RUNX1: variants seen among roughly 807,000 people sequenced by gnomAD.
The protein encoded by RUNX1 is RUNX family transcription factor 1, also known as runt-related transcription factor 1.
Under a neutral mutation model 42.8 loss-of-function variants are expected in RUNX1, and 19 were observed. The observed-to-expected ratio is 0.44, with a 90% confidence interval of 0.31 to 0.65. The LOEUF (loss-of-function observed/expected upper bound fraction) is 0.65. Among genes scored for constraint, RUNX1 ranks in the 30% least tolerant of loss-of-function variants. The probability of loss-of-function intolerance (pLI) is 0.07; values close to 1 mark genes in which losing one functional copy is unlikely to be tolerated. For synonymous variants in RUNX1, 271 were observed against 289.4 expected (o/e 0.94, Z 0.64); for missense variants, 528 against 672.0 (o/e 0.79, Z 2.37).
intron 2 of RUNX1, among the ~76,000 whole-genome samples, chr21:35,016,881 T>TTGAG (rs2059162628): frequency 6.7e-6 from 1 of 149,236 alleles, no homozygotes; most frequent in Non-Finnish European, 1.5e-5. Context: ...TGTGTGCACA[T>TTGAG]TGTGTGTGTG....
rs565246803 is a variant in RUNX1, at chr21:34,989,268, C to A, written c.58+59574G>T. 5.3e-4 allele frequency among the ~76,000 whole-genome samples: 80 copies of A among 152,156 alleles called. 2 individuals carry two copies. The highest frequency in any genetic ancestry group is 4.6e-3 in the Admixed American group (70 of 15,290). ...AGGTGATCTGACTGTCTCTGCCTCC[C>A]AAAGTGCTGGGATTACAAGTGTGAG... On this transcript the variant is annotated intron_variant, in intron 2 of 8. Transcript: ENST00000675419.
intron 2 of RUNX1, among the ~76,000 whole-genome samples, chr21:35,035,620 T>C (rs895686273): frequency 3.3e-5 from 5 of 152,244 alleles, no homozygotes; most frequent in Non-Finnish European, 5.9e-5. Context: ...GTGAATGTTA[T>C]TTGTTCTCAT....
intron 5 of RUNX1, among the ~76,000 whole-genome samples, chr21:34,870,803 C>A (rs2057725721): frequency 6.6e-6 from 1 of 152,024 alleles, no homozygotes; most frequent in Non-Finnish European, 1.5e-5. Context: ...ATGAAAAATA[C>A]AAAAATTATC....
At chr21:34,864,692 T>C (rs2057630986) in intron 5 of RUNX1, among the ~76,000 whole-genome samples, 5 of 152,152 alleles carry the variant, frequency 3.3e-5, no homozygotes, top group Admixed American at 3.3e-4. Flanking sequence ...AAACACCAAG[T>C]CCTTCCTCCT....
chr21:34,944,151 A>G (rs540235186), intron 2 of RUNX1, among the ~76,000 whole-genome samples: 1 of 152,064 alleles, frequency 6.6e-6, no homozygotes, highest in Non-Finnish European at 1.5e-5. Flanking sequence ...TGGGACTACA[A>G]ATGCATGCCA....
At chr21:35,037,069 G>A (rs1297069841) in intron 2 of RUNX1, among the ~76,000 whole-genome samples, 1 of 152,200 alleles carries the variant, frequency 6.6e-6, no homozygotes, top group Non-Finnish European at 1.5e-5. Context: ...TCAAGCCCAT[G>A]TAAATGCAAG....
chr21:34,838,213 G>A (rs980123442), intron 6 of RUNX1, among the ~76,000 whole-genome samples: 1 of 151,468 alleles, frequency 6.6e-6, no homozygotes, highest in African/African-American at 2.4e-5. Flanking sequence ...ACACCATTGT[G>A]ATCTGTGGCT....
intron 2 of RUNX1, among the ~76,000 whole-genome samples, chr21:34,970,140 A>G (rs2058752515): frequency 6.6e-6 from 1 of 152,220 alleles, no homozygotes; most frequent in South Asian, 2.1e-4. Flanking sequence ...ATGCCTTCAG[A>G]TAAGACTTTG....
chr21:34,888,506 A>C (rs2058030505), intron 3 of RUNX1: 1 of 1,052,808 alleles, frequency 9.5e-7, no homozygotes, highest in Non-Finnish European at 1.1e-6. Context: ...GGGGAAAAAC[A>C]AAAAAAAACA....
At chr21:35,015,357 G>C (rs1410414444) in intron 2 of RUNX1, among the ~76,000 whole-genome samples, 1 of 152,132 alleles carries the variant, frequency 6.6e-6, no homozygotes, top group East Asian at 1.9e-4. Flanking sequence ...AGGATATTTA[G>C]GTGTTAGCTT....
chr21:34,966,747 T>C (rs1362093112), intron 2 of RUNX1, among the ~76,000 whole-genome samples: 1 of 152,250 alleles, frequency 6.6e-6, no homozygotes, highest in Non-Finnish European at 1.5e-5. Context: ...CTGAAAATGC[T>C]ATTATGGTTA....
intron 1 of RUNX1, 87 bp downstream of exon 1, chr21:35,049,081 C>A (rs956091640): frequency 3.3e-6 from 2 of 602,610 alleles, no homozygotes; most frequent in Non-Finnish European, 6.0e-6. Flanking sequence ...AAAAATGCAC[C>A]TTTGTAAAAA....
chr21:34,852,037 A>G (rs1407758525), intron 6 of RUNX1, among the ~76,000 whole-genome samples: 12 of 152,262 alleles, frequency 7.9e-5, no homozygotes, highest in South Asian at 2.1e-4. Flanking sequence ...GCGTGGTGGC[A>G]CACACCTGTA....
intron 7 of RUNX1, among the ~76,000 whole-genome samples, chr21:34,822,242 C>A (rs1274499686): frequency 1.3e-5 from 2 of 152,216 alleles, no homozygotes; most frequent in East Asian, 3.8e-4. Flanking sequence ...GAAAACAAAC[C>A]AGACACCACA....
At chr21:34,971,834 TAAC>T (rs1447517551) in intron 2 of RUNX1, among the ~76,000 whole-genome samples, 3 of 152,154 alleles carry the variant, frequency 2.0e-5, no homozygotes, top group Admixed American at 2.0e-4. Context: ...AGAACAAGCA[TAAC>T]AACATGTTGT....
intron 2 of RUNX1, among the ~76,000 whole-genome samples, chr21:35,024,245 T>C (rs1163175731): frequency 2.0e-5 from 3 of 152,192 alleles, no homozygotes; most frequent in African/African-American, 7.2e-5. Flanking sequence ...GGATGTGATG[T>C]TGGGGGCTGG....
At chr21:35,005,960 A>G (rs781295920) in intron 2 of RUNX1, among the ~76,000 whole-genome samples, 5 of 152,050 alleles carry the variant, frequency 3.3e-5, no homozygotes, top group Non-Finnish European at 7.4e-5. Context: ...AATGCCTGGG[A>G]TTGTGTTTTT....
intron 6 of RUNX1, chr21:34,856,418 T>C (rs752561892): frequency 1.9e-6 from 1 of 518,958 alleles, no homozygotes; most frequent in East Asian, 5.4e-5. Context: ...TCATTTTAAA[T>C]GTGAGGATAC....
chr21:34,940,148 T>C (rs1040769380), intron 2 of RUNX1, among the ~76,000 whole-genome samples: 2 of 152,118 alleles, frequency 1.3e-5, no homozygotes, highest in Non-Finnish European at 2.9e-5. Flanking sequence ...ATGGGTGGTA[T>C]GAGTTGAGAA....
Sources: gnomAD v4.1 joint callset for allele counts (sites outside exome capture counted in the v4.1 genomes callset) on GRCh38, gnomAD v4.1.1 for gene constraint, MANE v1.5 for transcripts, NCBI Gene and HGNC (gene_info 2026-07-23, HGNC 2026-07-21) for gene names.